GRIK3: variants seen among roughly 807,000 people sequenced by gnomAD.
GRIK3 encodes the protein glutamate receptor ionotropic, kainate 3.
In GRIK3, 29 loss-of-function variants were observed where a neutral mutation model predicts 102.5. The observed-to-expected ratio is 0.28, with a 90% CI of 0.21 to 0.39. The LOEUF is 0.39. Among genes scored for constraint, GRIK3 ranks in the 10% least tolerant of loss-of-function variants. The pLI is 1.00. For synonymous variants in GRIK3, 511 were observed against 504.9 expected (o/e 1.01, Z -0.16); for missense variants, 908 against 1,252.4 (o/e 0.73, Z 4.15).
chr1:36,884,016 G>A (rs1557713262), intron 2 of GRIK3, among the ~76,000 whole-genome samples: 1 of 152,180 alleles, frequency 6.6e-6, no homozygotes, highest in East Asian at 1.9e-4. Context: ...TTTTGTTAGG[G>A]GTCTGCTGGA....
chr1:36,895,197 C>T (rs372991060), intron 1 of GRIK3, among the ~76,000 whole-genome samples: 15 of 152,252 alleles, frequency 9.9e-5, no homozygotes, highest in East Asian at 5.8e-4. Flanking sequence ...TCAGCAGTTA[C>T]TTTTACCCAG....
chr1:36,836,962 C>T (rs1306611175), intron 10 of GRIK3, among the ~76,000 whole-genome samples: 1 of 152,064 alleles, frequency 6.6e-6, no homozygotes, highest in Admixed American at 6.5e-5. Flanking sequence ...TTCCCTTGAC[C>T]TCCTTGAGGC....
Position 36,959,329 on chromosome 1 carries a change from T to C in GRIK3, c.116-68233A>G, listed in dbSNP as rs1641970224. Among the ~76,000 whole-genome samples the C allele has an allele frequency of 1.5e-5, 2 of 130,430 alleles. 1 individual carries two copies. The highest frequency in any genetic ancestry group is 3.4e-5 in the Non-Finnish European group (2 of 58,902). 85.6% of individuals were successfully genotyped at this position (130,430 alleles called of 152,430 possible). A position where few individuals can be genotyped will look rare whatever the true frequency, so the allele number is the denominator to read the frequency against. ...AGCCTCTGTGCCCCATGACTCTGTGTGCCCGGTGAGCCTGTGTGTCCCGTG... is the reference window on the plus strand; with the variant it reads ...AGCCTCTGTGCCCCATGACTCTGTGCGCCCGGTGAGCCTGTGTGTCCCGTG... On this transcript the variant is annotated intron_variant, in intron 1 of 15. Transcript: ENST00000373091.
At chr1:36,939,057 C>T (rs1341700101) in intron 1 of GRIK3, among the ~76,000 whole-genome samples, 2 of 152,226 alleles carry the variant, frequency 1.3e-5, no homozygotes, top group Non-Finnish European at 2.9e-5. Context: ...TAAGCCAACA[C>T]TGCCCTTCCC....
At chr1:36,929,442 T>TA (rs1329879501) in intron 1 of GRIK3, among the ~76,000 whole-genome samples, 1 of 152,216 alleles carries the variant, frequency 6.6e-6, no homozygotes, top group African/African-American at 2.4e-5. Flanking sequence ...AGTACATTGG[T>TA]AAAAATCAAA....
chr1:36,880,877 C>A lies in GRIK3; in HGVS notation c.307G>T (p.Ala103Ser), dbSNP rs923702933. Residue 103 changes from alanine to serine, a missense_variant, in exon 3 of 16, where the codon GCA becomes TCA. By Grantham distance (99) the Ala-to-Ser change is moderately conservative. Transcript: ENST00000373091. This position sits in a 1 kb window ranked among gnomAD's most constrained non-coding sequence, Gnocchi z 5.4. ...EATKKACDQL[A>S]LGVVAIFGPS... The stretch of plus-strand genomic sequence containing the variant: ...CCGAAGATCGCCACCACGCCCAGTG[C>A]CAGCTGGTCACAGGCTGCAACAGAG... The A allele has an allele frequency of 3.1e-6, 5 of 1,608,114 alleles. No homozygotes were observed. The highest frequency in any genetic ancestry group is 4.2e-6 in the Non-Finnish European group (5 of 1,177,016).
intron 1 of GRIK3, among the ~76,000 whole-genome samples, chr1:36,941,456 C>T (rs978751522): frequency 2.0e-4 from 31 of 152,164 alleles, no homozygotes; most frequent in African/African-American, 6.0e-4. Flanking sequence ...CCCAGAGGCC[C>T]GGGCTGGGGG....
chr1:36,978,948 G>A (rs1286465938), intron 1 of GRIK3, among the ~76,000 whole-genome samples: 1 of 152,164 alleles, frequency 6.6e-6, no homozygotes, highest in Non-Finnish European at 1.5e-5. Flanking sequence ...GATACATGGA[G>A]GAATGAAGAA....
intron 11 of GRIK3, among the ~76,000 whole-genome samples, chr1:36,822,816 G>A (rs988275861): frequency 6.6e-6 from 1 of 152,170 alleles, no homozygotes; most frequent in Admixed American, 6.5e-5. Context: ...CCCCTGTCAC[G>A]AGTGCCAACT....
chr1:37,020,394 T>G (rs1388265470), intron 1 of GRIK3, among the ~76,000 whole-genome samples: 1 of 152,124 alleles, frequency 6.6e-6, no homozygotes, highest in African/African-American at 2.4e-5. Context: ...TCTCCACAAC[T>G]CAGGAAATAA....
intron 4 of GRIK3, among the ~76,000 whole-genome samples, chr1:36,871,701 C>T (rs1334918115): frequency 2.6e-5 from 4 of 152,180 alleles, no homozygotes; most frequent in Admixed American, 1.3e-4. Flanking sequence ...GCAGATGGTA[C>T]GAGAGCCTTG....
Position 36,819,906 on chromosome 1 carries a change from C to T in GRIK3, c.1755-52G>A, listed in dbSNP as rs1216541006. ...GCCTGGGAAGCAAGGGGCATCCACG[C>T]CCCAGCAGGCAGTGGTTTAGCAAAC... On this transcript the variant is annotated intron_variant, in intron 11 of 15. Transcript: ENST00000373091. This position sits in a 1 kb window ranked among gnomAD's most constrained non-coding sequence, Gnocchi z 4.1. 3 of 897,776 alleles carry T rather than the reference C, an allele frequency of 3.3e-6. No individual in the cohort carries two copies. The highest frequency in any genetic ancestry group is 1.6e-5 in the African/African-American group (1 of 61,168). 55.6% of individuals were successfully genotyped at this position (897,776 alleles called of 1,614,324 possible). A position where few individuals can be genotyped will look rare whatever the true frequency, so the allele number is the denominator to read the frequency against.
Position 36,806,098 on chromosome 1 carries a change from G to A in GRIK3, c.2314+6C>T, listed in dbSNP as rs201557007. On this transcript the variant is annotated splice_donor_region_variant and intron_variant, in intron 14 of 15. Transcript: ENST00000373091. This position sits in a 1 kb window ranked among gnomAD's most constrained non-coding sequence, Gnocchi z 4.0. ...CCACCCCTCCCACAGGCAGCCCCTC[G>A]CTCACCCATGGGCGTGCCGATGCCG... 4.6e-4 allele frequency: 742 copies of A among 1,603,482 alleles called. No homozygotes were observed. Among genetic ancestry groups the A allele is most frequent in the Non-Finnish European group, 6.1e-4 (711 of 1,171,492 alleles).
chr1:36,926,279 A>C (rs1317491934), intron 1 of GRIK3, among the ~76,000 whole-genome samples: 4 of 152,200 alleles, frequency 2.6e-5, no homozygotes, highest in Non-Finnish European at 5.9e-5. Context: ...CAGACAGGGG[A>C]AAGGCAATTG....
chr1:37,013,392 C>T (rs1257072972), intron 1 of GRIK3, among the ~76,000 whole-genome samples: 1 of 152,232 alleles, frequency 6.6e-6, no homozygotes, highest in African/African-American at 2.4e-5. Context: ...ATCTTGTCCT[C>T]CAAACATCTG....
At chr1:36,966,578 A>G (rs1642080610) in intron 1 of GRIK3, among the ~76,000 whole-genome samples, 1 of 152,118 alleles carries the variant, frequency 6.6e-6, no homozygotes, top group African/African-American at 2.4e-5. Context: ...TTCTAGCTTG[A>G]GAAGCCTGGA....
At chr1:37,007,992 G>A (rs1158353304) in intron 1 of GRIK3, among the ~76,000 whole-genome samples, 16 of 152,236 alleles carry the variant, frequency 1.1e-4, no homozygotes, top group Admixed American at 9.8e-4. Context: ...GAAGCCCCAG[G>A]AGTAGAGTCA....
At chr1:37,013,744 C>A (rs1642622622) in intron 1 of GRIK3, among the ~76,000 whole-genome samples, 3 of 152,180 alleles carry the variant, frequency 2.0e-5, no homozygotes, top group African/African-American at 7.2e-5. Context: ...GGGAAGAATG[C>A]AGAGGAGGGA....
intron 9 of GRIK3, among the ~76,000 whole-genome samples, chr1:36,844,141 C>A (rs928408534): frequency 6.6e-6 from 1 of 152,178 alleles, no homozygotes; most frequent in Non-Finnish European, 1.5e-5. Flanking sequence ...TCCACTGGAG[C>A]TTTTCAACAG....
Sources: gnomAD v4.1 joint callset for allele counts (sites outside exome capture counted in the v4.1 genomes callset) on GRCh38, gnomAD v4.1.1 for gene constraint, Gnocchi (gnomAD v3.1) non-coding constraint, MANE v1.5 for transcripts, NCBI Gene and HGNC (gene_info 2026-07-23, HGNC 2026-07-21) for gene names.